Variants in ANKRD62 observed in about 807,000 individuals in gnomAD.
ANKRD62 encodes the protein ankyrin repeat domain 62, also known as ankyrin repeat domain-containing protein 62.
In ANKRD62, 61 loss-of-function variants were observed where a neutral mutation model predicts 98.8. The observed-to-expected ratio is 0.62, with a 90% CI of 0.50 to 0.76. The LOEUF (loss-of-function observed/expected upper bound fraction) is 0.76. Among genes scored for constraint, ANKRD62 ranks in the 30% least tolerant of loss-of-function variants. ANKRD62 has a pLI of 0.00. For synonymous variants in ANKRD62, 341 were observed against 367.9 expected (o/e 0.93, Z 0.84); for missense variants, 933 against 1,082.9 (o/e 0.86, Z 1.94).
Position 12,103,357 on chromosome 18 carries a change from T to A in ANKRD62, c.891+129T>A, listed in dbSNP as rs73947275. 443 of 516,860 alleles carry A rather than the reference T, an allele frequency of 8.6e-4. 3 individuals are homozygous for A. Among genetic ancestry groups the A allele is most frequent in the African/African-American group, 8.2e-3 (413 of 50,602 alleles). 32.0% of individuals were successfully genotyped at this position (516,860 alleles called of 1,614,324 possible). ...TTTAATAGTTAATTTTAATAACATT[T>A]TAACTGTTTATAAAATTTAAAGTGT... On this transcript the variant is annotated intron_variant, in intron 7 of 13. Transcript: ENST00000587848.
At chr18:12,117,285 G>A (rs368300034) in intron 10 of ANKRD62, among the ~76,000 whole-genome samples, 1 of 152,142 alleles carries the variant, frequency 6.6e-6, no homozygotes, top group African/African-American at 2.4e-5. Context: ...CTCTGCCATT[G>A]TAATATGAGA....
At chr18:12,165,235 CTG>C in the ANKRD62 span, among the ~76,000 whole-genome samples, 1 of 151,950 alleles carries the variant, frequency 6.6e-6, no homozygotes, top group South Asian at 2.1e-4. Flanking sequence ...TTAGGCAACT[CTG>C]TGTCTTTTTA....
At chr18:12,174,875 G>C in the ANKRD62 span, among the ~76,000 whole-genome samples, 1 of 152,248 alleles carries the variant, frequency 6.6e-6, no homozygotes, top group Non-Finnish European at 1.5e-5. Flanking sequence ...GCTCTGGGGG[G>C]TGTAAGGTGC....
the ANKRD62 span, among the ~76,000 whole-genome samples, chr18:12,139,419 C>T: frequency 3.0e-4 from 45 of 152,042 alleles, no homozygotes; most frequent in African/African-American, 7.7e-4. Context: ...TTGAGGAGGG[C>T]GGATCACGAG....
At chr18:12,150,992 G>A in the ANKRD62 span, among the ~76,000 whole-genome samples, 1 of 152,170 alleles carries the variant, frequency 6.6e-6, no homozygotes, top group African/African-American at 2.4e-5. Flanking sequence ...GCACCGTGTG[G>A]CAAGGTGCAT....
chr18:12,121,567 C>T (rs34045099), intron 10 of ANKRD62, among the ~76,000 whole-genome samples: 36,653 of 152,026 alleles, frequency 0.24, 4,653 homozygotes, highest in Middle Eastern at 0.33. Context: ...TTTCTCCTCT[C>T]CAGTGTTCTG....
the ANKRD62 span, among the ~76,000 whole-genome samples, chr18:12,179,571 C>T: frequency 1.3e-5 from 2 of 151,458 alleles, no homozygotes; most frequent in Non-Finnish European, 2.9e-5. Flanking sequence ...CAGCCCTTCA[C>T]TACAGTGGCA....
the ANKRD62 span, among the ~76,000 whole-genome samples, chr18:12,173,897 C>G: frequency 2.6e-5 from 4 of 152,182 alleles, no homozygotes; most frequent in African/African-American, 9.7e-5. Context: ...GGTGAGCTGA[C>G]CTTTCTCTCT....
Position 12,107,588 on chromosome 18 carries a change from G to T in ANKRD62, c.1064+121G>T, listed in dbSNP as rs549919988. ...ACTTTTATGAGGAATATTCTGCCTT[G>T]CCTGGTAATCATAAAATGCAAATTA... is the stretch of plus-strand genomic sequence containing the variant. On this transcript the variant is annotated intron_variant, in intron 8 of 13. Coordinates refer to ENST00000587848, the MANE Select transcript of ANKRD62 (RefSeq NM_001277333.2). The T allele has an allele frequency of 7.1e-5, 53 of 741,704 alleles. No homozygotes were observed. In the African/African-American group the frequency reaches 7.6e-4, roughly 11 times the overall value. The allele number at this position is 741,704 out of a possible 1,614,324, so 45.9% of individuals were successfully genotyped here. A position where few individuals can be genotyped will look rare whatever the true frequency, so the allele number is the denominator to read the frequency against.
At chr18:12,171,661 A>C in the ANKRD62 span, among the ~76,000 whole-genome samples, 1 of 151,962 alleles carries the variant, frequency 6.6e-6, no homozygotes, top group Admixed American at 6.6e-5. Context: ...TGTTTTCTGT[A>C]TTTCCTGAAT....
At chr18:12,126,610 G>A (rs899732120) in intron 13 of ANKRD62, among the ~76,000 whole-genome samples, 12 of 152,034 alleles carry the variant, frequency 7.9e-5, no homozygotes, top group Non-Finnish European at 1.0e-4. Flanking sequence ...AATTTTAAAC[G>A]TTTCAGTTAC....
At chr18:12,103,372 A>C (rs1304352085) in intron 7 of ANKRD62, 144 bp downstream of exon 7, 2 of 506,534 alleles carry the variant, frequency 3.9e-6, no homozygotes, top group Non-Finnish European at 3.1e-6. Context: ...TGTTTATAAA[A>C]TTTAAAGTGT....
intron 11 of ANKRD62, among the ~76,000 whole-genome samples, chr18:12,123,031 G>GT (rs34884853): frequency 0.59 from 89,188 of 151,054 alleles, 26,816 homozygotes; most frequent in Middle Eastern, 0.76. Context: ...AAATTAACCA[G>GT]TTTTTTTTGT....
the ANKRD62 span, among the ~76,000 whole-genome samples, chr18:12,163,903 G>A: frequency 7.9e-5 from 12 of 151,776 alleles, no homozygotes; most frequent in South Asian, 1.0e-3. Context: ...ATATATTGTC[G>A]AATTCTGGTA....
downstream of ANKRD62, among the ~76,000 whole-genome samples, chr18:12,134,537 A>G (rs1170738568): frequency 6.6e-6 from 1 of 152,070 alleles, no homozygotes; most frequent in Non-Finnish European, 1.5e-5. Flanking sequence ...CTCCCACCCC[A>G]TAACAGGCCC....
At chr18:12,137,356 A>G in the ANKRD62 span, among the ~76,000 whole-genome samples, 1 of 151,976 alleles carries the variant, frequency 6.6e-6, no homozygotes, top group South Asian at 2.1e-4. Context: ...ATGTTTATTG[A>G]TTTTCATATG....
the ANKRD62 span, among the ~76,000 whole-genome samples, chr18:12,162,857 C>T: frequency 4.0e-5 from 6 of 149,992 alleles, no homozygotes; most frequent in Admixed American, 4.0e-4. Flanking sequence ...GGTCTTTACT[C>T]TGTTGCATTG....
At chr18:12,135,029 C>T in the ANKRD62 span, among the ~76,000 whole-genome samples, 1 of 151,718 alleles carries the variant, frequency 6.6e-6, no homozygotes, top group East Asian at 1.9e-4. Flanking sequence ...TCCTCTCCAG[C>T]ACCTGTTGTT....
In ANKRD62 at chr18:12,127,900, A is replaced by G; in HGVS notation, c.2715A>G (p.Gln905=). The change falls in exon 14 of 14, where the codon CAA becomes CAG. Residue 905 remains glutamine, a synonymous_variant. Coordinates refer to ENST00000587848, the MANE Select transcript of ANKRD62 (RefSeq NM_001277333.2). ...LKKKLGQMRS[Q]VCMKLSMSTV... is the part of the protein sequence containing the mutation. ...AGAAATTAGGCCAGATGAGAAGTCA[A>G]GTATGTATGAAACTTAGCATGTCAA... The G allele has an allele frequency of 6.6e-7, 1 of 1,515,314 alleles. No homozygotes were observed. The allele number at this position is 1,515,314 out of a possible 1,614,324, so 93.9% of individuals were successfully genotyped here.
Sources: gnomAD v4.1 joint callset for allele counts (sites outside exome capture counted in the v4.1 genomes callset) on GRCh38, gnomAD v4.1.1 for gene constraint, MANE v1.5 for transcripts, NCBI Gene and HGNC (gene_info 2026-07-23, HGNC 2026-07-21) for gene names.